ADRA1A: variants seen among roughly 807,000 people sequenced by gnomAD.
The protein encoded by ADRA1A is alpha-1A adrenergic receptor.
In ADRA1A, 31 loss-of-function variants were observed where a neutral mutation model predicts 29.6. The observed-to-expected ratio is 1.05, with a 90% CI of 0.79 to 1.41. The LOEUF is 1.41. Among genes scored for constraint, ADRA1A ranks in the 40% most tolerant of loss-of-function variants. ADRA1A has a pLI of 0.00. For missense variants in ADRA1A, 619 were observed against 601.1 expected (o/e 1.03, Z -0.31); for synonymous variants, 311 against 254.3 (o/e 1.22, Z -2.12).
intron 2 of ADRA1A, among the ~76,000 whole-genome samples, chr8:26,807,264 T>C (rs1448738789): frequency 6.6e-6 from 1 of 152,218 alleles, no homozygotes; most frequent in African/African-American, 2.4e-5. Flanking sequence ...GTGATCATAC[T>C]GATTTTCAGA....
rs79329257 is a variant in ADRA1A at position 26,812,229 on chromosome 8, C to T, written c.884-41563G>A. ...TCGACATTCTCATGCCTGCTTCTTC[C>T]TCCTCCTCTGCTCCCACTCTTAGCA... is the stretch of plus-strand genomic sequence containing the variant. On this transcript the variant is annotated intron_variant, in intron 2 of 2. Transcript: ENST00000380573. 1.2e-3 allele frequency among the ~76,000 whole-genome samples: 188 copies of T among 152,264 alleles called. 2 individuals carry two copies. The East Asian group carries it at 0.033, about 27-fold the overall frequency.
intron 2 of ADRA1A, among the ~76,000 whole-genome samples, chr8:26,802,140 A>T (rs922787514): frequency 2.0e-5 from 3 of 152,204 alleles, no homozygotes; most frequent in African/African-American, 7.2e-5. Context: ...AACATCAGAG[A>T]AACTCTCCAG....
At chr8:26,779,777 G>T (rs1003787374) in intron 2 of ADRA1A, among the ~76,000 whole-genome samples, 2 of 152,194 alleles carry the variant, frequency 1.3e-5, no homozygotes, top group Admixed American at 1.3e-4. Context: ...AAGCGGGAAT[G>T]GAATTAGCTC....
chr8:26,754,728 C>T (rs1805076027), downstream of ADRA1A, among the ~76,000 whole-genome samples: 1 of 152,154 alleles, frequency 6.6e-6, no homozygotes, highest in South Asian at 2.1e-4. Context: ...AAATGAACCT[C>T]CAGATTTGTT....
chr8:26,812,718 G>A (rs910536576), intron 2 of ADRA1A, among the ~76,000 whole-genome samples: 2 of 151,728 alleles, frequency 1.3e-5, no homozygotes, highest in African/African-American at 2.4e-5. Flanking sequence ...AGGCTGGAGT[G>A]CAGTGGCGCG....
intron 2 of ADRA1A, among the ~76,000 whole-genome samples, chr8:26,758,640 G>A (rs1416223500): frequency 5.3e-5 from 8 of 152,296 alleles, no homozygotes; most frequent in South Asian, 2.1e-4. Context: ...ATGAAGCCCA[G>A]GCCCGTGGTT....
rs1024699558 is a variant in ADRA1A, at chr8:26,866,825, T to C, written c.-687+111A>G. On this transcript the variant is annotated intron_variant, in intron 1 of 2. Transcript: ENST00000380573. This position sits in a 1 kb window ranked among gnomAD's most constrained non-coding sequence, Gnocchi z 5.7. The stretch of plus-strand genomic sequence containing the variant: ...GTAGAGGGGCCGGTATAAAACCTGG[T>C]GGAAAAAGCGGGAGGCGCTGGGAAA... The C allele has an allele frequency of 4.1e-6, 4 of 981,760 alleles. No individual in the cohort carries two copies. The highest frequency in any genetic ancestry group is 3.5e-5 in the African/African-American group (2 of 56,922). 60.8% of individuals were successfully genotyped at this position (981,760 alleles called of 1,614,324 possible).
chr8:26,851,234 C>T (rs1283204633), intron 2 of ADRA1A, among the ~76,000 whole-genome samples: 9 of 152,012 alleles, frequency 5.9e-5, no homozygotes, highest in African/African-American at 1.7e-4. Context: ...CTAAACTTCT[C>T]ACCTTCCATG....
chr8:26,865,702 G>C lies in ADRA1A; in HGVS notation c.-686-47C>G, dbSNP rs138151199. Reference sequence around the variant, plus strand: ...GGCGGCTTTGAGCTAGGCGCCCCAGGGAAAGAGGCTGTGCTGAGCTTGACG... The same window carrying C: ...GGCGGCTTTGAGCTAGGCGCCCCAGCGAAAGAGGCTGTGCTGAGCTTGACG... On this transcript the variant is annotated intron_variant, in intron 1 of 2. Coordinates refer to ENST00000380573, the MANE Select transcript of ADRA1A (RefSeq NM_000680.4). This position sits in a 1 kb window ranked among gnomAD's most constrained non-coding sequence, Gnocchi z 7.6. 5.1e-6 allele frequency: 5 copies of C among 985,838 alleles called. No individual in the cohort carries two copies. In the African/African-American group the frequency reaches 8.7e-5, roughly 17 times the overall value. The allele number at this position is 985,838 out of a possible 1,614,324, so 61.1% of individuals were successfully genotyped here. A position where few individuals can be genotyped will look rare whatever the true frequency, so the allele number is the denominator to read the frequency against.
At chr8:26,789,763 A>AAC (rs1408645598) in intron 2 of ADRA1A, among the ~76,000 whole-genome samples, 2 of 152,196 alleles carry the variant, frequency 1.3e-5, no homozygotes, top group African/African-American at 4.8e-5. Flanking sequence ...TAAACTATTA[A>AAC]ACAGTGAAAA....
rs1810452009 is a variant in ADRA1A, at chr8:26,825,075, G to A, written c.883+39012C>T. On this transcript the variant is annotated intron_variant, in intron 2 of 2. Coordinates refer to ENST00000380573, the MANE Select transcript of ADRA1A (RefSeq NM_000680.4). This position sits in a 1 kb window ranked among gnomAD's most constrained non-coding sequence, Gnocchi z 5.7. Reference sequence around the variant, plus strand: ...GCAACATGCCAGCTTCCTTCTGACAGCGTTTGGTTGTTCAGAATTCAAGCA... The same window carrying A: ...GCAACATGCCAGCTTCCTTCTGACAACGTTTGGTTGTTCAGAATTCAAGCA... Among the ~76,000 whole-genome samples the A allele has an allele frequency of 2.0e-5, 3 of 152,154 alleles. No individual in the cohort carries two copies. In the South Asian group the frequency reaches 6.2e-4, roughly 32 times the overall value.
chr8:26,858,910 AAC>A (rs1813238826), intron 2 of ADRA1A: 3 of 438,848 alleles, frequency 6.8e-6, no homozygotes, highest in African/African-American at 2.1e-5. Flanking sequence ...GATTCCTCCC[AAC>A]AGTCATGCTA....
chr8:26,791,346 A>G (rs1239573882), intron 2 of ADRA1A, among the ~76,000 whole-genome samples: 3 of 152,176 alleles, frequency 2.0e-5, no homozygotes, highest in African/African-American at 7.2e-5. Flanking sequence ...ATTCTGGGTC[A>G]TATAATATAA....
intron 2 of ADRA1A, among the ~76,000 whole-genome samples, chr8:26,861,463 T>A (rs796862550): frequency 2.6e-5 from 4 of 152,042 alleles, no homozygotes; most frequent in African/African-American, 9.6e-5. Flanking sequence ...GCTCTGTTCT[T>A]ATCTCTCTTT....
At chr8:26,862,076 C>A (rs150656023) in intron 2 of ADRA1A, among the ~76,000 whole-genome samples, 1 of 152,138 alleles carries the variant, frequency 6.6e-6, no homozygotes, top group Non-Finnish European at 1.5e-5. Flanking sequence ...TTTACTTTGG[C>A]CTGAAAGACC....
intron 2 of ADRA1A, among the ~76,000 whole-genome samples, chr8:26,816,568 T>TGTGTGTGC (rs1491386057): frequency 6.8e-6 from 1 of 148,042 alleles, no homozygotes; most frequent in Admixed American, 6.8e-5. Flanking sequence ...TGTGTGTGTG[T>TGTGTGTGC]GCATCCACAT....
Position 26,806,420 on chromosome 8 carries a change from G to A in ADRA1A, c.884-35754C>T, listed in dbSNP as rs1272959480. Among the ~76,000 whole-genome samples the A allele has an allele frequency of 6.6e-6, 1 of 151,656 alleles. No homozygotes were observed. The highest frequency in any genetic ancestry group is 1.5e-5 in the Non-Finnish European group (1 of 67,972). On this transcript the variant is annotated intron_variant, in intron 2 of 2. Coordinates refer to ENST00000380573, the MANE Select transcript of ADRA1A (RefSeq NM_000680.4). This position sits in a 1 kb window ranked among gnomAD's most constrained non-coding sequence, Gnocchi z 4.6. ...GTGGCCTTAGGTAAGGAAAAAAAAA[G>A]AGCATGATTCAAGTTTTCTGTGGCC...
At chr8:26,771,655 A>C (rs1806154433) in intron 2 of ADRA1A, 1 of 152,448 alleles carries the variant, frequency 6.6e-6, no homozygotes, top group Non-Finnish European at 1.5e-5. Context: ...AATTTAAAAA[A>C]TGCTTATTTA....
chr8:26,835,315 G>A (rs1317561623), intron 2 of ADRA1A, among the ~76,000 whole-genome samples: 2 of 152,034 alleles, frequency 1.3e-5, no homozygotes, highest in African/African-American at 4.8e-5. Context: ...AGGTAGTTGG[G>A]GCAGTTTTTA....
Sources: gnomAD v4.1 joint callset for allele counts (sites outside exome capture counted in the v4.1 genomes callset) on GRCh38, gnomAD v4.1.1 for gene constraint, Gnocchi (gnomAD v3.1) non-coding constraint, MANE v1.5 for transcripts, NCBI Gene and HGNC (gene_info 2026-07-23, HGNC 2026-07-21) for gene names.